The following NCKAP5 variants were observed in gnomAD, a reference collection of about 807,000 sequenced individuals.
NCKAP5 encodes NCK associated protein 5.
In NCKAP5, 92 loss-of-function variants were observed where a neutral mutation model predicts 167.0. The ratio of observed to expected loss-of-function variants is 0.55; its 90% CI spans 0.47 to 0.66. NCKAP5 has a LOEUF of 0.66. Ranked by LOEUF, NCKAP5 falls within the 30% of genes least tolerant of loss-of-function variation. The pLI, the probability that NCKAP5 is intolerant of heterozygous loss-of-function variation, is 0.00. For synonymous variants in NCKAP5, 891 were observed against 877.4 expected, an observed-to-expected ratio of 1.02 and a Z score of -0.27; for missense variants, 2,378 against 2,315.0, an observed-to-expected ratio of 1.03 and a Z score of -0.56.
chr2:133,219,461 G>A (rs1459957608), intron 4 of NCKAP5, among the ~76,000 whole-genome samples: 1 of 152,130 alleles, frequency 6.6e-6, no homozygotes, highest in Non-Finnish European at 1.5e-5. Flanking sequence ...GATCTCTCAG[G>A]GGTCCAAGGG....
intron 3 of NCKAP5, among the ~76,000 whole-genome samples, chr2:133,347,940 C>G (rs994216751): frequency 6.6e-6 from 1 of 152,222 alleles, no homozygotes; most frequent in Non-Finnish European, 1.5e-5. Context: ...AAAATATGTT[C>G]TTGAACCAAA....
intron 3 of NCKAP5, among the ~76,000 whole-genome samples, chr2:133,308,011 G>C (rs978672199): frequency 6.7e-6 from 1 of 149,306 alleles, no homozygotes; most frequent in African/African-American, 2.5e-5. Flanking sequence ...AAGAGGGAAA[G>C]AAAGAGGGAA....
At chr2:133,305,275 G>A (rs1669019468) in intron 3 of NCKAP5, among the ~76,000 whole-genome samples, 2 of 152,156 alleles carry the variant, frequency 1.3e-5, no homozygotes, top group South Asian at 4.1e-4. Context: ...GTATCAAAGA[G>A]ACTGAGGTTC....
At chr2:133,180,018 C>T (rs963028638) in intron 5 of NCKAP5, among the ~76,000 whole-genome samples, 36 of 152,174 alleles carry the variant, frequency 2.4e-4, no homozygotes, top group Admixed American at 5.2e-4. Flanking sequence ...CCAGCGAACT[C>T]TGTGCCAAGA....
At chr2:132,773,631 T>C (rs896807177) in intron 16 of NCKAP5, among the ~76,000 whole-genome samples, 185 bp downstream of exon 16, 2 of 152,200 alleles carry the variant, frequency 1.3e-5, no homozygotes, top group African/African-American at 4.8e-5. Context: ...TCCTCATAGG[T>C]GCTGCTTTGA....
intron 2 of NCKAP5, among the ~76,000 whole-genome samples, chr2:133,529,347 T>C (rs1685176048): frequency 1.3e-5 from 2 of 152,196 alleles, no homozygotes; most frequent in African/African-American, 4.8e-5. Context: ...TCTATATAAG[T>C]GGCATTGACA....
chr2:133,492,445 T>C (rs905620983), intron 3 of NCKAP5, among the ~76,000 whole-genome samples: 26 of 152,180 alleles, frequency 1.7e-4, no homozygotes, highest in African/African-American at 6.3e-4. Context: ...TGATTTTCAG[T>C]TCTATTTCAT....
chr2:133,307,333 G>A (rs1680849871), intron 3 of NCKAP5, among the ~76,000 whole-genome samples: 1 of 152,184 alleles, frequency 6.6e-6, no homozygotes, highest in Non-Finnish European at 1.5e-5. Flanking sequence ...GATAGAATTT[G>A]AGTACTTGAT....
At chr2:133,430,410 CT>C (rs1190211215) in intron 3 of NCKAP5, among the ~76,000 whole-genome samples, 2 of 151,982 alleles carry the variant, frequency 1.3e-5, no homozygotes, top group Non-Finnish European at 2.9e-5. Flanking sequence ...GGTTTTGTTG[CT>C]TTTGTTTTTG....
intron 6 of NCKAP5, among the ~76,000 whole-genome samples, chr2:133,112,031 C>T (rs2081931202): frequency 6.6e-6 from 1 of 152,112 alleles, no homozygotes; most frequent in African/African-American, 2.4e-5. Context: ...GACAGAAATG[C>T]AAAATTCTCT....
Position 133,547,080 on chromosome 2 carries a change from C to A in NCKAP5, c.-62+11970G>T, listed in dbSNP as rs1686766282. Among the ~76,000 whole-genome samples the A allele has an allele frequency of 2.0e-5, 3 of 152,200 alleles. No homozygotes were observed. In the South Asian group the frequency reaches 6.2e-4, roughly 31 times the overall value. On this transcript the variant is annotated intron_variant, in intron 2 of 19. Transcript: ENST00000409261. Reference sequence around the variant, plus strand: ...GCCTCACTTGGGAAGTGCAAGGGGTCACGGAGTTCCCTTTCCAAGGCAAAG... The same window carrying A: ...GCCTCACTTGGGAAGTGCAAGGGGTAACGGAGTTCCCTTTCCAAGGCAAAG...
intron 13 of NCKAP5, among the ~76,000 whole-genome samples, chr2:132,787,983 C>A (rs1466558840): frequency 6.6e-6 from 1 of 152,130 alleles, no homozygotes; most frequent in Non-Finnish European, 1.5e-5. Context: ...CTGCGACTTG[C>A]CCCAGAGCCA....
intron 3 of NCKAP5, among the ~76,000 whole-genome samples, chr2:133,314,188 G>C (rs1191180530): frequency 2.0e-5 from 3 of 152,130 alleles, no homozygotes; most frequent in Admixed American, 2.0e-4. Context: ...TTTCTGAACA[G>C]GCCAAGTTAT....
At chr2:133,369,627 CAG>C (rs1302584687) in intron 3 of NCKAP5, among the ~76,000 whole-genome samples, 1 of 152,090 alleles carries the variant, frequency 6.6e-6, no homozygotes, top group Non-Finnish European at 1.5e-5. Flanking sequence ...ATAGCAAACA[CAG>C]GGGGATTAAA....
At chr2:132,886,479 G>A (rs56296021) in intron 8 of NCKAP5, among the ~76,000 whole-genome samples, 26,800 of 152,092 alleles carry the variant, frequency 0.18, 3,841 homozygotes, top group East Asian at 0.39. Flanking sequence ...GCCTTGTTCA[G>A]ATTTTTCCAG....
rs74819186 is a variant in NCKAP5 at position 133,462,888 on chromosome 2, C to T, written c.69+54570G>A. On this transcript the variant is annotated intron_variant, in intron 3 of 19. Transcript: ENST00000409261. ...AAAGTCGTTTTCTGATATCTTCCAC[C>T]GGCCCTACTCCTGCTGAGCCAGCCC... 1.6e-4 allele frequency among the ~76,000 whole-genome samples: 25 copies of T among 152,278 alleles called. 2 individuals are homozygous for T. In the East Asian group the frequency reaches 4.6e-3, roughly 28 times the overall value.
rs188825493 is a variant in NCKAP5, at chr2:133,499,684, C to T, written c.69+17774G>A. 1.8e-4 allele frequency among the ~76,000 whole-genome samples: 27 copies of T among 152,234 alleles called. No individual in the cohort carries two copies. In the East Asian group the frequency reaches 1.9e-3, roughly 11 times the overall value. ...AAGTGATTCTCCTGCATCAGCCTCC[C>T]GAGTAGGTGGGATTACAGGCACCCA... On this transcript the variant is annotated intron_variant, in intron 3 of 19. Transcript: ENST00000409261.
At chr2:133,534,884 C>T (rs1166607514) in intron 2 of NCKAP5, among the ~76,000 whole-genome samples, 1 of 152,132 alleles carries the variant, frequency 6.6e-6, no homozygotes, top group Non-Finnish European at 1.5e-5. Context: ...CTCTGTTTAT[C>T]AGTTTGAGGA....
intron 11 of NCKAP5, among the ~76,000 whole-genome samples, chr2:132,837,987 A>G (rs763814957): frequency 1.3e-5 from 2 of 152,192 alleles, no homozygotes; most frequent in Non-Finnish European, 2.9e-5. Context: ...ACAGGGCAGC[A>G]TGAATACTTA....
Sources: allele counts gnomAD v4.1 joint callset (sites outside exome capture counted in the v4.1 genomes callset), GRCh38; gene constraint gnomAD v4.1.1; transcripts MANE v1.5; gene names NCBI Gene and HGNC (gene_info 2026-07-23, HGNC 2026-07-21).